Variants in ZFAT observed in about 807,000 individuals in gnomAD.
ZFAT encodes the protein zinc finger protein ZFAT.
A neutral mutation model predicts 117.7 loss-of-function variants in ZFAT; 64 were observed. That is an observed-to-expected ratio of 0.54 (90% CI 0.44 to 0.67). The LOEUF (loss-of-function observed/expected upper bound fraction) is 0.67. Ranked by LOEUF, ZFAT falls within the 30% of genes least tolerant of loss-of-function variation. The pLI is 0.00. For missense variants in ZFAT, 1,433 were observed against 1,584.5 expected (o/e 0.90, Z 1.62); for synonymous variants, 679 against 615.0 (o/e 1.10, Z -1.54).
At chr8:134,732,257 C>T in the ZFAT span, among the ~76,000 whole-genome samples, 1 of 152,348 alleles carries the variant, frequency 6.6e-6, no homozygotes, top group East Asian at 1.9e-4. Flanking sequence ...ACAGCTGGGA[C>T]ATAGGCCCGC....
the ZFAT span, among the ~76,000 whole-genome samples, chr8:134,783,265 G>A: frequency 3.3e-5 from 5 of 152,100 alleles, no homozygotes; most frequent in African/African-American, 1.2e-4. Context: ...CTGGGCCGAG[G>A]ACCAGTATCG....
At chr8:134,777,201 T>G in the ZFAT span, among the ~76,000 whole-genome samples, 1 of 152,142 alleles carries the variant, frequency 6.6e-6, no homozygotes. Flanking sequence ...GAAATGAAAA[T>G]TATAATCTTT....
the ZFAT span, among the ~76,000 whole-genome samples, chr8:134,815,212 A>G: frequency 6.6e-6 from 1 of 152,364 alleles, no homozygotes; most frequent in South Asian, 2.1e-4. Flanking sequence ...ACATGGACTC[A>G]TAAAAGGAAA....
the ZFAT span, chr8:134,785,589 G>T: frequency 2.0e-5 from 3 of 149,990 alleles, no homozygotes; most frequent in East Asian, 2.0e-4. Context: ...ATACAGACAT[G>T]CAATTGTCCT....
At chr8:134,805,249 G>A in the ZFAT span, among the ~76,000 whole-genome samples, 1 of 75,420 alleles carries the variant, frequency 1.3e-5, no homozygotes, top group Non-Finnish European at 2.9e-5. Context: ...GCAAAAATAA[G>A]TTTTCTTCTC....
At chr8:134,482,174 C>A (rs925830816) in intron 15 of ZFAT, among the ~76,000 whole-genome samples, 1 of 152,178 alleles carries the variant, frequency 6.6e-6, no homozygotes, top group African/African-American at 2.4e-5. Context: ...TCTTCTCTGA[C>A]CCCCCGGGCA....
chr8:134,681,676 G>A (rs1833076270), intron 1 of ZFAT, among the ~76,000 whole-genome samples: 1 of 152,132 alleles, frequency 6.6e-6, no homozygotes, highest in Non-Finnish European at 1.5e-5. Flanking sequence ...TTTAGAGAGA[G>A]TACAACCACC....
At chr8:134,819,927 C>T in the ZFAT span, among the ~76,000 whole-genome samples, 1 of 152,026 alleles carries the variant, frequency 6.6e-6, no homozygotes, top group Non-Finnish European at 1.5e-5. Context: ...TTTAAAATCC[C>T]ATGCAGAGTG....
At chr8:134,497,458 T>A (rs368937453) in intron 15 of ZFAT, among the ~76,000 whole-genome samples, 170 of 102,348 alleles carry the variant, frequency 1.7e-3, no homozygotes, top group Non-Finnish European at 1.9e-3. Context: ...GTGATGCCCC[T>A]GCTGCTGGTT....
chr8:134,827,554 G>T, the ZFAT span, among the ~76,000 whole-genome samples: 8 of 152,154 alleles, frequency 5.3e-5, no homozygotes, highest in East Asian at 3.9e-4. Flanking sequence ...GATCACCTGA[G>T]GTCAGGAGTT....
chr8:134,552,426 CGGTG>C (rs1335295814), intron 11 of ZFAT, among the ~76,000 whole-genome samples: 5 of 152,154 alleles, frequency 3.3e-5, no homozygotes, highest in African/African-American at 1.2e-4. Context: ...ATAATGAAAT[CGGTG>C]ATTGAGATCT....
the ZFAT span, among the ~76,000 whole-genome samples, chr8:134,744,407 T>G: frequency 6.6e-6 from 1 of 151,458 alleles, no homozygotes; most frequent in Non-Finnish European, 1.5e-5. Flanking sequence ...GCAATTCTCC[T>G]GCCTCAGCCT....
At chr8:134,608,202 A>ATT (rs1398756566) in intron 5 of ZFAT, among the ~76,000 whole-genome samples, 4 of 152,236 alleles carry the variant, frequency 2.6e-5, no homozygotes, top group African/African-American at 9.6e-5. Context: ...AAACAACAAA[A>ATT]TTAAACCAAT....
Position 134,534,402 on chromosome 8 carries a change from A to C in ZFAT, c.2977-1430T>G, listed in dbSNP as rs1450836853. ...TCACCACTGTTGCCCAGAAGAGCTA[A>C]ACCAGCAACTGCAATGTCTGAATGT... is the stretch of plus-strand genomic sequence containing the variant. On this transcript the variant is annotated intron_variant, in intron 11 of 15. Transcript: ENST00000377838. 3.3e-5 allele frequency among the ~76,000 whole-genome samples: 5 copies of C among 152,190 alleles called. 1 individual carries two copies. Among genetic ancestry groups the C allele is most frequent in the Admixed American group, 2.6e-4 (4 of 15,280 alleles).
intron 2 of ZFAT, among the ~76,000 whole-genome samples, 183 bp from the exon 3 acceptor site, chr8:134,637,895 T>C (rs1209859634): frequency 6.6e-6 from 1 of 152,238 alleles, no homozygotes; most frequent in Non-Finnish European, 1.5e-5. Flanking sequence ...ATTGCATCTG[T>C]GTACTAATGG....
intron 7 of ZFAT, among the ~76,000 whole-genome samples, chr8:134,590,822 C>T (rs1350317643): frequency 1.3e-5 from 2 of 152,154 alleles, no homozygotes; most frequent in Non-Finnish European, 2.9e-5. Context: ...CCATCAACAT[C>T]ACCACGACCC....
chr8:134,679,522 G>A (rs953608824), intron 1 of ZFAT, among the ~76,000 whole-genome samples: 11 of 152,276 alleles, frequency 7.2e-5, no homozygotes, highest in African/African-American at 1.2e-4. Flanking sequence ...TGCGGAAGAC[G>A]GTGTGGCGAT....
At chr8:134,486,622 G>C (rs1255141988) in intron 15 of ZFAT, among the ~76,000 whole-genome samples, 1 of 152,120 alleles carries the variant, frequency 6.6e-6, no homozygotes, top group Non-Finnish European at 1.5e-5. Flanking sequence ...TTGTTCTCAG[G>C]ATCAGTTCTC....
At chr8:134,616,365 C>T (rs1337283445) in intron 3 of ZFAT, among the ~76,000 whole-genome samples, 1 of 152,198 alleles carries the variant, frequency 6.6e-6, no homozygotes, top group African/African-American at 2.4e-5. Flanking sequence ...TCCTCGTTCC[C>T]ATTTGACCTG....
Sources: allele counts gnomAD v4.1 joint callset (sites outside exome capture counted in the v4.1 genomes callset), GRCh38; gene constraint gnomAD v4.1.1; transcripts MANE v1.5; gene names NCBI Gene and HGNC (gene_info 2026-07-23, HGNC 2026-07-21).